The following ATP10A variants were observed in gnomAD, a reference collection of about 807,000 sequenced individuals.
ATP10A encodes the protein phospholipid-transporting ATPase VA.
In ATP10A, 111 loss-of-function variants were observed where a neutral mutation model predicts 147.8. That is an observed-to-expected ratio of 0.75 (90% CI 0.64 to 0.88). ATP10A has a LOEUF of 0.88. ATP10A is among the 40% of genes least tolerant of loss of function. ATP10A has a pLI of 0.00. For synonymous variants in ATP10A, 875 were observed against 841.6 expected, an observed-to-expected ratio of 1.04 and a Z score of -0.69; for missense variants, 1,927 against 1,959.0, an observed-to-expected ratio of 0.98 and a Z score of 0.31.
rs199878635 is a variant in ATP10A at position 25,680,929 on chromosome 15, G to A, written c.3574-15C>T. The A allele has an allele frequency of 7.4e-5, 119 of 1,613,848 alleles. 1 individual carries two copies. Among genetic ancestry groups the A allele is most frequent in the Admixed American group, 3.3e-4 (20 of 60,022 alleles). The stretch of plus-strand genomic sequence containing the variant: ...TCATAGTAGGCCTGAAAGACAGTGG[G>A]GTCCTGGATCTGTAGGTCCCCGGAT... On this transcript the variant is annotated splice_polypyrimidine_tract_variant and intron_variant, in intron 18 of 20. Coordinates refer to ENST00000555815, the MANE Select transcript of ATP10A (RefSeq NM_024490.4).
At chr15:25,767,158 C>T (rs974874398) in intron 2 of ATP10A, among the ~76,000 whole-genome samples, 8 of 152,220 alleles carry the variant, frequency 5.3e-5, no homozygotes, top group African/African-American at 1.9e-4. Context: ...ACACTCACCG[C>T]TGCAGGCCTT....
intron 2 of ATP10A, among the ~76,000 whole-genome samples, chr15:25,762,981 TG>T (rs1395704291): frequency 2.0e-5 from 3 of 151,590 alleles, no homozygotes; most frequent in Admixed American, 6.6e-5. Flanking sequence ...ATTAACAATG[TG>T]TTTTTTTCAA....
intron 1 of ATP10A, among the ~76,000 whole-genome samples, chr15:25,817,362 C>T (rs573853796): frequency 6.6e-6 from 1 of 152,292 alleles, no homozygotes; most frequent in East Asian, 1.9e-4. Context: ...GGATTGCAGG[C>T]GTGAGCCACC....
chr15:25,724,142 C>T lies in ATP10A; in HGVS notation c.980-121G>A, dbSNP rs1475688981. The T allele has an allele frequency of 4.5e-6, 5 of 1,110,114 alleles. No individual in the cohort carries two copies. The African/African-American group carries it at 8.1e-5, about 18-fold the overall frequency. 68.8% of individuals were successfully genotyped at this position (1,110,114 alleles called of 1,614,324 possible). A position where few individuals can be genotyped will look rare whatever the true frequency, so the allele number is the denominator to read the frequency against. ...GATGCAAGCACATTTGGTTTTCTTA[C>T]TCAGCTTTGCCATGTCAGAAAGCGA... On this transcript the variant is annotated intron_variant, in intron 5 of 20. Transcript: ENST00000555815.
intron 1 of ATP10A, among the ~76,000 whole-genome samples, chr15:25,815,680 T>G (rs1341619564): frequency 2.3e-5 from 1 of 42,674 alleles, no homozygotes; most frequent in Non-Finnish European, 5.7e-5. Flanking sequence ...TTTGTTAAGC[T>G]TATTTAATCA....
chr15:25,734,835 G>A (rs1244898183), intron 3 of ATP10A, among the ~76,000 whole-genome samples: 1 of 152,126 alleles, frequency 6.6e-6, no homozygotes, highest in African/African-American at 2.4e-5. Context: ...GTTCACTTCC[G>A]TTGGGTCATC....
rs372307984 is a variant in ATP10A, at chr15:25,852,029, ACCTG to A, written c.449+10615_449+10618del. On this transcript the variant is annotated intron_variant, in intron 1 of 20. Transcript: ENST00000555815. ...TTGCAACTAAACTTTTCAAATTCTT[ACCTG>A]CCTGCCTGCCTGGCACTGTAGCCCA... is the stretch of plus-strand genomic sequence containing the variant. 4.0e-4 allele frequency among the ~76,000 whole-genome samples: 61 copies of A among 152,226 alleles called. No homozygotes were observed. In the East Asian group the frequency reaches 8.9e-3, roughly 22 times the overall value.
At chr15:25,768,988 G>T (rs150827111) in intron 2 of ATP10A, among the ~76,000 whole-genome samples, 163 of 152,272 alleles carry the variant, frequency 1.1e-3, no homozygotes, top group African/African-American at 3.5e-3. Flanking sequence ...GTTAAGGGTT[G>T]AAAGGTTTTC....
intron 7 of ATP10A, among the ~76,000 whole-genome samples, chr15:25,720,180 T>C (rs775644769): frequency 2.0e-5 from 3 of 152,188 alleles, no homozygotes; most frequent in Non-Finnish European, 4.4e-5. Flanking sequence ...ATTATTATTA[T>C]TAATGGATAA....
chr15:25,859,705 C>A (rs971161709), intron 1 of ATP10A, among the ~76,000 whole-genome samples: 1 of 152,108 alleles, frequency 6.6e-6, no homozygotes, highest in African/African-American at 2.4e-5. Flanking sequence ...TTCTCAAACA[C>A]CCTGGCCTAG....
chr15:25,778,857 G>A (rs1374243804), intron 2 of ATP10A, among the ~76,000 whole-genome samples: 1 of 152,100 alleles, frequency 6.6e-6, no homozygotes, highest in East Asian at 1.9e-4. Flanking sequence ...TTGAAGATCA[G>A]AAGATAGGAA....
At chr15:25,740,399 G>A (rs1291165612) in intron 2 of ATP10A, among the ~76,000 whole-genome samples, 2 of 152,224 alleles carry the variant, frequency 1.3e-5, no homozygotes, top group Non-Finnish European at 2.9e-5. Flanking sequence ...ATCTGTGAGT[G>A]AGGCCACCTG....
At position 25,863,191 on chromosome 15, in the gene ATP10A, C is replaced by A. The variant is rs1034671661; in HGVS notation, c.-95G>T. The stretch of plus-strand genomic sequence containing the variant: ...CACTCGCGGCCCGGGCGCGGCGGTG[C>A]GAGCTCCCCGCCTGCGGGACGCACG... On this transcript the variant is annotated 5_prime_UTR_variant, in exon 1 of 21. Transcript: ENST00000555815. The A allele has an allele frequency of 3.4e-6, 3 of 880,968 alleles. No homozygotes were observed. Among genetic ancestry groups the A allele is most frequent in the Admixed American group, 5.5e-5 (1 of 18,332 alleles). The allele number at this position is 880,968 out of a possible 1,614,324, so 54.6% of individuals were successfully genotyped here.
intron 17 of ATP10A, among the ~76,000 whole-genome samples, chr15:25,682,178 C>G (rs1259863964): frequency 6.6e-6 from 1 of 151,662 alleles, no homozygotes; most frequent in Admixed American, 6.6e-5. Context: ...TTGAGCCCTT[C>G]TATTCCTTCC....
chr15:25,725,329 T>C (rs1462666697), intron 5 of ATP10A, among the ~76,000 whole-genome samples: 2 of 152,214 alleles, frequency 1.3e-5, no homozygotes, highest in Non-Finnish European at 2.9e-5. Flanking sequence ...TGGGGACTGC[T>C]GATTTAAAGT....
At position 25,855,065 on chromosome 15, in the gene ATP10A, A is replaced by AG. The variant is rs1567435016; in HGVS notation, c.449+7582_449+7583insC. On this transcript the variant is annotated intron_variant, in intron 1 of 20. Transcript: ENST00000555815. The stretch of plus-strand genomic sequence containing the variant: ...CAAGAGTGAAACTCCGTCTCACAAA[A>AG]AAAAAAAAAAAACAGAAAAAAAGAA... Among the ~76,000 whole-genome samples, 16 of 147,580 alleles carry AG rather than the reference A, an allele frequency of 1.1e-4. No homozygotes were observed. In the East Asian group the frequency reaches 2.3e-3, roughly 22 times the overall value.
At chr15:25,767,833 T>C (rs1889109739) in intron 2 of ATP10A, among the ~76,000 whole-genome samples, 1 of 152,250 alleles carries the variant, frequency 6.6e-6, no homozygotes, top group African/African-American at 2.4e-5. Context: ...GCTGAAGTAC[T>C]GTGCTGTAGA....
intron 1 of ATP10A, among the ~76,000 whole-genome samples, chr15:25,854,248 T>C (rs1340875822): frequency 6.6e-6 from 1 of 151,872 alleles, no homozygotes; most frequent in African/African-American, 2.4e-5. Context: ...TTGAAAGAGC[T>C]CCCAAAAGCC....
Position 25,716,712 on chromosome 15 carries a change from G to A in ATP10A, c.1776+18C>T. ...CGCAGAAGGTCAAGGTCAAGCTCAG[G>A]GACCCTCCAGAACTTGCCTTTGTTC... On this transcript the variant is annotated intron_variant, in intron 9 of 20. Coordinates refer to ENST00000555815, the MANE Select transcript of ATP10A (RefSeq NM_024490.4). The A allele has an allele frequency of 6.5e-7, 1 of 1,544,180 alleles. No homozygotes were observed.
Sources: allele counts gnomAD v4.1 joint callset (sites outside exome capture counted in the v4.1 genomes callset), GRCh38; gene constraint gnomAD v4.1.1; transcripts MANE v1.5; gene names NCBI Gene and HGNC (gene_info 2026-07-23, HGNC 2026-07-21).